Variants in STK32A observed in about 807,000 individuals in gnomAD.
STK32A encodes serine/threonine kinase 32A.
STK32A carries 41 observed loss-of-function variants against 53.2 expected under a neutral mutation model. That is an observed-to-expected ratio of 0.77 (90% confidence interval 0.60 to 1.00). The LOEUF (loss-of-function observed/expected upper bound fraction) is 1.00, where lower values mean the gene tolerates loss of function less well. STK32A is among the 50% of genes least tolerant of loss of function. The pLI, the probability that STK32A is intolerant of heterozygous loss-of-function variation, is 0.00. For missense variants in STK32A, 458 were observed against 485.8 expected (o/e 0.94, Z 0.54); for synonymous variants, 166 against 162.8 (o/e 1.02, Z -0.15).
the STK32A span, chr5:147,393,865 C>G: frequency 1.5e-6 from 1 of 685,066 alleles, no homozygotes; most frequent in Non-Finnish European, 2.5e-6. Context: ...AAGCAATATT[C>G]GTAAAGCTAG....
At chr5:147,370,509 T>A in intron 8 of STK32A, 145 bp from the exon 9 acceptor site, 1 of 475,096 alleles carries the variant, frequency 2.1e-6, no homozygotes, top group Middle Eastern at 6.2e-4. Context: ...CACCTACACA[T>A]ATGGCAACGC....
rs78827840 is a variant in STK32A, at chr5:147,359,963, G to T, written c.563-1554G>T. 5.8e-3 allele frequency among the ~76,000 whole-genome samples: 876 copies of T among 152,258 alleles called. 8 individuals carry two copies. Among genetic ancestry groups the T allele is most frequent in the African/African-American group, 0.018 (760 of 41,562 alleles). On this transcript the variant is annotated intron_variant, in intron 7 of 12. Coordinates refer to ENST00000397936, the MANE Select transcript of STK32A (RefSeq NM_001112724.2). ...TGTGTGCAGGACCCATGTCATACCA[G>T]TTTCCTTTGCCCAGAGCCAGCACTT...
At chr5:147,334,497 T>C (rs1249479427) in intron 5 of STK32A, among the ~76,000 whole-genome samples, 2 of 152,234 alleles carry the variant, frequency 1.3e-5, no homozygotes, top group Non-Finnish European at 2.9e-5. Context: ...CAGATAAACA[T>C]GGAGTCCTGA....
intron 4 of STK32A, among the ~76,000 whole-genome samples, chr5:147,300,405 C>T (rs1472060711): frequency 6.6e-6 from 1 of 152,172 alleles, no homozygotes; most frequent in Admixed American, 6.5e-5. Context: ...ATGTAAGGAA[C>T]AGGATTTATT....
chr5:147,381,155 A>G (rs984751461), intron 11 of STK32A, among the ~76,000 whole-genome samples: 5 of 152,144 alleles, frequency 3.3e-5, no homozygotes, highest in Non-Finnish European at 7.4e-5. Context: ...TCACTTTTCA[A>G]GAACAGTTCT....
chr5:147,361,974 C>A (rs185732994), intron 8 of STK32A, among the ~76,000 whole-genome samples: 2 of 152,272 alleles, frequency 1.3e-5, no homozygotes, highest in East Asian at 3.9e-4. Context: ...TTCAGACATA[C>A]CTCACCAAGG....
the STK32A span, among the ~76,000 whole-genome samples, chr5:147,396,142 C>T: frequency 6.6e-6 from 1 of 152,074 alleles, no homozygotes; most frequent in Non-Finnish European, 1.5e-5. Flanking sequence ...AAGGGTAGGT[C>T]ATGACACGAG....
chr5:147,243,870 A>G (rs1406770549), intron 2 of STK32A, among the ~76,000 whole-genome samples: 2 of 147,536 alleles, frequency 1.4e-5, no homozygotes, highest in Non-Finnish European at 3.0e-5. Context: ...CTTTTTTTTT[A>G]TTATTGTGGT....
At chr5:147,287,525 T>C (rs1752403316) in intron 4 of STK32A, among the ~76,000 whole-genome samples, 1 of 152,214 alleles carries the variant, frequency 6.6e-6, no homozygotes, top group South Asian at 2.1e-4. Flanking sequence ...ATATACAATT[T>C]GCTCAAAGCC....
chr5:147,345,740 G>A (rs1440376854), intron 6 of STK32A, among the ~76,000 whole-genome samples: 2 of 152,042 alleles, frequency 1.3e-5, no homozygotes, highest in African/African-American at 4.8e-5. Flanking sequence ...CAGAATACAA[G>A]CCATCATTCC....
intron 4 of STK32A, among the ~76,000 whole-genome samples, chr5:147,309,653 A>T (rs189588503): frequency 6.6e-6 from 1 of 152,350 alleles, no homozygotes; most frequent in African/African-American, 2.4e-5. Flanking sequence ...GGGGAAACTT[A>T]AAGAATCGTA....
chr5:147,330,521 TAC>T (rs1397339297), intron 5 of STK32A, among the ~76,000 whole-genome samples: 1 of 152,212 alleles, frequency 6.6e-6, no homozygotes, highest in Admixed American at 6.5e-5. Flanking sequence ...GGGGTCACCG[TAC>T]ACAGTCTGTT....
intron 4 of STK32A, among the ~76,000 whole-genome samples, chr5:147,323,548 G>A (rs184034985): frequency 6.6e-6 from 1 of 152,254 alleles, no homozygotes; most frequent in African/African-American, 2.4e-5. Flanking sequence ...TATATGGTTA[G>A]GATACAACCA....
intron 2 of STK32A, among the ~76,000 whole-genome samples, chr5:147,244,170 G>A (rs1210017813): frequency 1.3e-5 from 2 of 152,136 alleles, no homozygotes; most frequent in African/African-American, 4.8e-5. Flanking sequence ...ATTTCATTTA[G>A]CATATATTTT....
chr5:147,287,547 G>A (rs1183758221), intron 4 of STK32A, among the ~76,000 whole-genome samples: 2 of 152,128 alleles, frequency 1.3e-5, no homozygotes, highest in Non-Finnish European at 2.9e-5. Context: ...CTATGCCACA[G>A]TTGAAAAGAA....
At chr5:147,397,944 C>T in the STK32A span, 3 of 1,245,994 alleles carry the variant, frequency 2.4e-6, no homozygotes, top group East Asian at 2.6e-5. Context: ...TGCTGATTCA[C>T]CAGGTAAGCC....
At chr5:147,260,021 G>T (rs1754440689) in intron 2 of STK32A, among the ~76,000 whole-genome samples, 1 of 106,594 alleles carries the variant, frequency 9.4e-6, no homozygotes, top group Non-Finnish European at 1.8e-5. Context: ...CTGTCTCTTT[G>T]TCCTCTCTCT....
intron 5 of STK32A, among the ~76,000 whole-genome samples, chr5:147,326,805 A>T (rs1395357578): frequency 2.0e-5 from 3 of 152,196 alleles, no homozygotes; most frequent in Non-Finnish European, 4.4e-5. Flanking sequence ...TAGCACTGGG[A>T]AGAGTCAAAA....
chr5:147,394,845 C>T, the STK32A span, among the ~76,000 whole-genome samples: 1 of 152,194 alleles, frequency 6.6e-6, no homozygotes, highest in Non-Finnish European at 1.5e-5. Context: ...ATTCCATACC[C>T]TTTCCTCATA....
Sources: gnomAD v4.1 joint callset for allele counts (sites outside exome capture counted in the v4.1 genomes callset) on GRCh38, gnomAD v4.1.1 for gene constraint, MANE v1.5 for transcripts, NCBI Gene and HGNC (gene_info 2026-07-23, HGNC 2026-07-21) for gene names.